FUBP1: variants seen among roughly 807,000 people sequenced by gnomAD.
FUBP1 encodes far upstream element binding protein 1.
In FUBP1, 16 loss-of-function variants were observed where a neutral mutation model predicts 94.9. The ratio of observed to expected loss-of-function variants is 0.17; its 90% CI spans 0.11 to 0.26. FUBP1 has a LOEUF of 0.26. Ranked by LOEUF, FUBP1 falls within the 10% of genes least tolerant of loss-of-function variation. FUBP1 has a pLI of 1.00. For synonymous variants in FUBP1, 279 were observed against 254.9 expected (o/e 1.09, Z -0.90); for missense variants, 583 against 808.6 (o/e 0.72, Z 3.38).
At position 77,979,024 on chromosome 1, in the gene FUBP1, C is replaced by CT. The variant is rs1190391972; in HGVS notation, c.-21dup. On this transcript the variant is annotated 5_prime_UTR_variant, in exon 1 of 20. Transcript: ENST00000370768. Reference sequence around the variant, plus strand: ...TGCCATGGTTGCACTATAAGAGCCGCTGCCGCCTGTTCAGAGACTTCCTCT... The same window carrying CT: ...TGCCATGGTTGCACTATAAGAGCCGCTTGCCGCCTGTTCAGAGACTTCCTCT... 6.3e-7 allele frequency: 1 copy of CT among 1,595,634 alleles called. No individual in the cohort carries two copies. Among genetic ancestry groups the CT allele is most frequent in the East Asian group, 2.3e-5 (1 of 44,310 alleles).
rs1425564244 is a variant in FUBP1 at position 77,944,918 on chromosome 1, CCA to C, written c.*3846_*3847del. On this transcript the variant is annotated 3_prime_UTR_variant, in exon 20 of 20. Transcript: ENST00000370768. ...TCAAACCATAGAATTCTAAGTATCA[CCA>C]CACTAAGCTGTCTTAAAAAAAACTA... 6.6e-6 allele frequency among the ~76,000 whole-genome samples: 1 copy of C among 151,824 alleles called. No homozygotes were observed. The highest frequency in any genetic ancestry group is 1.5e-5 in the Non-Finnish European group (1 of 67,838).
chr1:77,966,783 T>C (rs774345530), intron 6 of FUBP1, 32 bp from the exon 7 acceptor site: 11 of 1,436,338 alleles, frequency 7.7e-6, no homozygotes, highest in Non-Finnish European at 9.8e-7. Flanking sequence ...TAACTTCAGG[T>C]CAAAAGATTA....
At chr1:77,958,099 G>T (rs1476801273) in intron 16 of FUBP1, among the ~76,000 whole-genome samples, 3 of 152,114 alleles carry the variant, frequency 2.0e-5, no homozygotes, top group Non-Finnish European at 2.9e-5. Context: ...GCCATTATCT[G>T]TATATTAATC....
chr1:77,961,185 TTC>T, intron 14 of FUBP1, among the ~76,000 whole-genome samples: 1 of 152,320 alleles, frequency 6.6e-6, no homozygotes, highest in East Asian at 1.9e-4. Context: ...CTTAACTGAT[TTC>T]TGTTTGGTTA....
intron 1 of FUBP1, among the ~76,000 whole-genome samples, chr1:77,971,545 T>G (rs1557469918): frequency 1.3e-5 from 2 of 152,096 alleles, no homozygotes. Flanking sequence ...GTTAAGTGCT[T>G]AAGTCATAAA....
chr1:77,960,015 T>C (rs547131236), intron 16 of FUBP1, among the ~76,000 whole-genome samples, 169 bp downstream of exon 16: 1 of 152,334 alleles, frequency 6.6e-6, no homozygotes, highest in East Asian at 1.9e-4. Context: ...GCAGAGCTCA[T>C]ATTCATGTCA....
chr1:77,947,768 T>G lies in FUBP1; in HGVS notation c.*998A>C, dbSNP rs750187426. On this transcript the variant is annotated 3_prime_UTR_variant, in exon 20 of 20. Coordinates refer to ENST00000370768, the MANE Select transcript of FUBP1 (RefSeq NM_003902.5). The stretch of plus-strand genomic sequence containing the variant: ...TTGTGCATTTACAAAACAAAGCTTA[T>G]CTATACTGCATAAAGAAAAAAAAAA... 2.1e-5 allele frequency: 14 copies of G among 668,534 alleles called. No individual in the cohort carries two copies. The highest frequency in any genetic ancestry group is 3.1e-5 in the Non-Finnish European group (14 of 453,154). The allele number at this position is 668,534 out of a possible 1,614,324, so 41.4% of individuals were successfully genotyped here. A position where few individuals can be genotyped will look rare whatever the true frequency, so the allele number is the denominator to read the frequency against.
intron 1 of FUBP1, among the ~76,000 whole-genome samples, chr1:77,970,765 G>C (rs1657373269): frequency 6.6e-6 from 1 of 152,144 alleles, no homozygotes; most frequent in Non-Finnish European, 1.5e-5. Flanking sequence ...ACCCAGCTTT[G>C]CTGTCATGGT....
At chr1:77,977,233 C>T (rs947242916) in intron 1 of FUBP1, among the ~76,000 whole-genome samples, 2 of 152,184 alleles carry the variant, frequency 1.3e-5, no homozygotes, top group East Asian at 1.9e-4. Context: ...CAAGGCCGGG[C>T]GCAGCGGCTC....
chr1:77,953,819 T>G (rs368629640), intron 18 of FUBP1, among the ~76,000 whole-genome samples: 1 of 152,174 alleles, frequency 6.6e-6, no homozygotes, highest in African/African-American at 2.4e-5. Context: ...AGTAAATGTA[T>G]TAATGGCCAT....
In FUBP1 at chr1:77,965,247, T is replaced by G; in HGVS notation, c.474-16A>C. On this transcript the variant is annotated splice_polypyrimidine_tract_variant and intron_variant, in intron 7 of 19. Coordinates refer to ENST00000370768, the MANE Select transcript of FUBP1 (RefSeq NM_003902.5). ...TTTTGCTGACCTGTTAACAAATTAATATTTAAATAGTAAGCTGTAGCATAC... is the reference window on the plus strand; with the variant it reads ...TTTTGCTGACCTGTTAACAAATTAAGATTTAAATAGTAAGCTGTAGCATAC... 1 of 1,570,468 alleles carries G rather than the reference T, an allele frequency of 6.4e-7. No individual in the cohort carries two copies. The highest frequency in any genetic ancestry group is 8.7e-7 in the Non-Finnish European group (1 of 1,144,398).
upstream of FUBP1, chr1:77,979,080 C>CGGTCG: frequency 7.2e-7 from 1 of 1,396,522 alleles, no homozygotes; most frequent in Non-Finnish European, 9.6e-7. Flanking sequence ...AAGAAAATGG[C>CGGTCG]GGCCGTCGAA....
chr1:77,958,457 T>A (rs1033441970), intron 16 of FUBP1, among the ~76,000 whole-genome samples: 2 of 152,220 alleles, frequency 1.3e-5, no homozygotes, highest in East Asian at 3.8e-4. Flanking sequence ...ACTCTTTTTT[T>A]AAAGAAACAT....
chr1:77,956,782 C>A, intron 16 of FUBP1, 82 bp from the exon 17 acceptor site: 1 of 991,006 alleles, frequency 1.0e-6, no homozygotes, highest in Non-Finnish European at 1.4e-6. Context: ...CCCCGCCCAG[C>A]TCTCTGGCAA....
rs1652534947 is a variant in FUBP1 at position 77,947,982 on chromosome 1, CTG to C, written c.*782_*783del. The C allele has an allele frequency of 3.9e-6, 4 of 1,024,882 alleles. No individual in the cohort carries two copies. Among genetic ancestry groups the C allele is most frequent in the South Asian group, 4.4e-5 (1 of 22,946 alleles). 63.5% of individuals were successfully genotyped at this position (1,024,882 alleles called of 1,614,324 possible). On this transcript the variant is annotated 3_prime_UTR_variant, in exon 20 of 20. Coordinates refer to ENST00000370768, the MANE Select transcript of FUBP1 (RefSeq NM_003902.5). ...ACTACTCATATTCACTATCTGAAAA[CTG>C]TTTAAAATTAGTTATGCCGAAACAG...
intron 19 of FUBP1, 32 bp downstream of exon 19, chr1:77,949,123 T>C (rs200862215): frequency 3.1e-6 from 5 of 1,587,624 alleles, no homozygotes; most frequent in Non-Finnish European, 4.3e-6. Flanking sequence ...CAGACTGGAG[T>C]AGAAATCAAC....
chr1:77,973,309 G>C (rs1441532033), intron 1 of FUBP1, among the ~76,000 whole-genome samples: 1 of 152,168 alleles, frequency 6.6e-6, no homozygotes, highest in African/African-American at 2.4e-5. Flanking sequence ...GCAGTGGCGT[G>C]ATCTGGGCTC....
intron 1 of FUBP1, among the ~76,000 whole-genome samples, chr1:77,975,239 G>A (rs1265341742): frequency 6.6e-6 from 1 of 152,084 alleles, no homozygotes; most frequent in African/African-American, 2.4e-5. Context: ...ACCTACTATA[G>A]GCAAGGTCCT....
At chr1:77,966,019 AAAAAG>A (rs1188475809) in intron 7 of FUBP1, among the ~76,000 whole-genome samples, 3 of 152,276 alleles carry the variant, frequency 2.0e-5, no homozygotes, top group African/African-American at 4.8e-5. Flanking sequence ...TCGTCTCAAA[AAAAAG>A]AAAAGAAAAA....
Sources: allele counts gnomAD v4.1 joint callset (sites outside exome capture counted in the v4.1 genomes callset), GRCh38; gene constraint gnomAD v4.1.1; transcripts MANE v1.5; gene names NCBI Gene and HGNC (gene_info 2026-07-23, HGNC 2026-07-21).